OR2T33: variants seen among roughly 807,000 people sequenced by gnomAD.
OR2T33 encodes olfactory receptor family 2 subfamily T member 33.
Under a neutral mutation model 14.0 loss-of-function variants are expected in OR2T33, and 10 were observed. The ratio of observed to expected loss-of-function variants is 0.72; its 90% CI spans 0.44 to 1.22. The LOEUF is 1.22. Among genes scored for constraint, OR2T33 ranks in the 50% most tolerant of loss-of-function variants. The pLI, the probability that OR2T33 is intolerant of heterozygous loss-of-function variation, is 0.00. For synonymous variants in OR2T33, 103 were observed against 159.4 expected (o/e 0.65, Z 2.66); for missense variants, 276 against 405.9 (o/e 0.68, Z 2.75).
At chr1:248,274,883 T>G (rs1659430386) in intron 1 of OR2T33, among the ~76,000 whole-genome samples, 1 of 152,218 alleles carries the variant, frequency 6.6e-6, no homozygotes. Context: ...TTTATTTTCT[T>G]AGGAGACACA....
intron 1 of OR2T33, among the ~76,000 whole-genome samples, chr1:248,274,888 G>T (rs1470485901): frequency 6.6e-6 from 1 of 152,106 alleles, no homozygotes; most frequent in Non-Finnish European, 1.5e-5. Flanking sequence ...TTTCTTAGGA[G>T]ACACAATCAA....
rs1167925182 is a variant in OR2T33 at position 248,273,641 on chromosome 1, G to A, written c.174C>T (p.Tyr58=). 11 of 1,613,752 alleles carry A rather than the reference G, an allele frequency of 6.8e-6. No homozygotes were observed. Among genetic ancestry groups the A allele is most frequent in the African/African-American group, 1.3e-5 (1 of 74,876 alleles). ...HWDHRLHTPM[Y]FLLSQLSLMD... ...TGAGGGAAAGTTGGCTCAGGAGGAAGTACATGGGCGTGTGGAGCCGGTGGT... is the reference window on the plus strand; with the variant it reads ...TGAGGGAAAGTTGGCTCAGGAGGAAATACATGGGCGTGTGGAGCCGGTGGT... The change falls in exon 2 of 2, where the codon TAC becomes TAT. Residue 58 remains tyrosine (Y), a synonymous_variant. Transcript: ENST00000641220.
Position 248,272,859 on chromosome 1 carries a change from G to C in OR2T33, c.956C>G (p.Ser319Ter). 6.2e-7 allele frequency: 1 copy of C among 1,611,406 alleles called. No individual in the cohort carries two copies. Among genetic ancestry groups the C allele is most frequent in the Non-Finnish European group, 8.5e-7 (1 of 1,178,752 alleles). ...IKHQQNEAHRSR is the reference protein window; with the variant it reads ...IKHQQNEAHR The stretch of plus-strand genomic sequence containing the variant: ...GACTCATTTGACATTAGATCATCTT[G>C]ACCTGTGGGCCTCATTTTGCTGGTG... Residue 319 changes from serine to a stop codon, truncating the protein, a stop_gained, in exon 2 of 2, where the codon TCA becomes TGA. Transcript: ENST00000641220. LOFTEE classifies it high-confidence loss of function.
In OR2T33 at chr1:248,272,910, C is replaced by A. The variant is rs1178534234; in HGVS notation, c.905G>T (p.Trp302Leu). Residue 302 changes from tryptophan to leucine, a missense_variant, in exon 2 of 2, where the codon TGG becomes TTG. Transcript: ENST00000641220. ...NSEVKGALKR[W>L]LGTCVNIKHQ... Reference sequence around the variant, plus strand: ...TTTTATGTTTACACACGTCCCCAGCCACCGTTTCAGGGCTCCCTTCACCTC... The same window carrying A: ...TTTTATGTTTACACACGTCCCCAGCAACCGTTTCAGGGCTCCCTTCACCTC... 1.2e-6 allele frequency: 2 copies of A among 1,614,118 alleles called. No individual in the cohort carries two copies. The highest frequency in any genetic ancestry group is 1.7e-6 in the Non-Finnish European group (2 of 1,180,028).
chr1:248,272,009 A>G lies in OR2T33; in HGVS notation c.*843T>C, dbSNP rs1045398765. On this transcript the variant is annotated 3_prime_UTR_variant, in exon 2 of 2. Coordinates refer to ENST00000641220, the MANE Select transcript of OR2T33 (RefSeq NM_001004695.2). ...GTCTTGGCAGAAGTAAGGTGGTGAC[A>G]CAATAATGTATAAGGTTGTTGAGTG... 4 of 152,218 alleles carry G rather than the reference A, an allele frequency of 2.6e-5. No individual in the cohort carries two copies. Among genetic ancestry groups the G allele is most frequent in the African/African-American group, 9.6e-5 (4 of 41,460 alleles). 9.4% of individuals were successfully genotyped at this position (152,218 alleles called of 1,614,324 possible).
chr1:248,273,648 G>T lies in OR2T33; in HGVS notation c.167C>A (p.Pro56His), dbSNP rs1180705207. The change falls in exon 2 of 2, where the codon CCC (proline) becomes CAC (histidine). Residue 56 changes from proline to histidine, a missense_variant. Physicochemically the swap from Pro to His is moderately conservative, Grantham distance 77. Coordinates refer to ENST00000641220, the MANE Select transcript of OR2T33 (RefSeq NM_001004695.2). ...AAGTTGGCTCAGGAGGAAGTACATG[G>T]GCGTGTGGAGCCGGTGGTCCCAGTG... The part of the protein sequence containing the change: ...LIHWDHRLHT[P>H]MYFLLSQLSL... 2.5e-6 allele frequency: 4 copies of T among 1,613,860 alleles called. No homozygotes were observed. The highest frequency in any genetic ancestry group is 2.2e-5 in the South Asian group (2 of 91,062).
rs1161757454 is a variant in OR2T33 at position 248,271,770 on chromosome 1, A to G, written c.*1082T>C. On this transcript the variant is annotated 3_prime_UTR_variant, in exon 2 of 2. Coordinates refer to ENST00000641220, the MANE Select transcript of OR2T33 (RefSeq NM_001004695.2). ...ATATTATTTCTTAAGTGTGTTTTACATACAGGAAATATAGCCTTTATCATA... is the reference window on the plus strand; with the variant it reads ...ATATTATTTCTTAAGTGTGTTTTACGTACAGGAAATATAGCCTTTATCATA... 6.6e-6 allele frequency: 1 copy of G among 152,228 alleles called. No homozygotes were observed. Among genetic ancestry groups the G allele is most frequent in the Non-Finnish European group, 1.5e-5 (1 of 68,032 alleles). 9.4% of individuals were successfully genotyped at this position (152,228 alleles called of 1,614,324 possible). A position where few individuals can be genotyped will look rare whatever the true frequency, so the allele number is the denominator to read the frequency against.
intron 1 of OR2T33, among the ~76,000 whole-genome samples, chr1:248,274,130 GTATTAA>G (rs1659422973): frequency 6.6e-6 from 1 of 152,114 alleles, no homozygotes; most frequent in African/African-American, 2.4e-5. Flanking sequence ...TATATTACTC[GTATTAA>G]TATTATTGTG....
rs761881097 is a variant in OR2T33 at position 248,273,043 on chromosome 1, T to C, written c.772A>G (p.Met258Val). The C allele has an allele frequency of 6.2e-7, 1 of 1,613,606 alleles. No homozygotes were observed. The highest frequency in any genetic ancestry group is 8.5e-7 in the Non-Finnish European group (1 of 1,179,920). ...LFYGAAIFTY[M>V]RPKSHRSTNH... ...GTGGACCTATGGGATTTGGGTCTCA[T>C]ATAGGTAAAAATGGCAGCTCCATAA... is the stretch of plus-strand genomic sequence containing the variant. The change falls in exon 2 of 2, where the codon ATG (methionine) becomes GTG (valine). Residue 258 changes from methionine to valine, a missense_variant. Met to Val is a conservative substitution (Grantham distance 21, BLOSUM62 1). Transcript: ENST00000641220.
In OR2T33 at chr1:248,277,854, T is replaced by A. The variant is rs554708675; in HGVS notation, c.-98A>T. Reference sequence around the variant, plus strand: ...AGTACAAATGTTTGCTTAATCTTAGTGTTGTGGATACTGCTTTGTGCCTCT... The same window carrying A: ...AGTACAAATGTTTGCTTAATCTTAGAGTTGTGGATACTGCTTTGTGCCTCT... On this transcript the variant is annotated 5_prime_UTR_variant, in exon 1 of 2. Coordinates refer to ENST00000641220, the MANE Select transcript of OR2T33 (RefSeq NM_001004695.2). The A allele has an allele frequency of 1.3e-5, 2 of 152,262 alleles. No homozygotes were observed. Among genetic ancestry groups the A allele is most frequent in the African/African-American group, 4.8e-5 (2 of 41,558 alleles). The allele number at this position is 152,262 out of a possible 1,614,324, so 9.4% of individuals were successfully genotyped here. A position where few individuals can be genotyped will look rare whatever the true frequency, so the allele number is the denominator to read the frequency against.
chr1:248,277,705 G>A (rs1428653674), intron 1 of OR2T33, 60 bp downstream of exon 1: 2 of 152,028 alleles, frequency 1.3e-5, no homozygotes, highest in African/African-American at 4.8e-5. Flanking sequence ...ATAAATATGA[G>A]TAATTTGAAA....
At position 248,271,495 on chromosome 1, in the gene OR2T33, AC is replaced by A. The variant is rs1659372036; in HGVS notation, c.*1356del. 6.6e-6 allele frequency: 1 copy of A among 152,220 alleles called. No homozygotes were observed. The highest frequency in any genetic ancestry group is 1.5e-5 in the Non-Finnish European group (1 of 68,030). The allele number at this position is 152,220 out of a possible 1,614,324, so 9.4% of individuals were successfully genotyped here. ...CAAGTCTTCCAAGGAGAAAAGAGTTACTGAATAACCTTCTCTTGAGACATAG... is the reference window on the plus strand; with the variant it reads ...CAAGTCTTCCAAGGAGAAAAGAGTTATGAATAACCTTCTCTTGAGACATAG... On this transcript the variant is annotated 3_prime_UTR_variant, in exon 2 of 2. Transcript: ENST00000641220.
Position 248,273,117 on chromosome 1 carries a change from T to A in OR2T33, c.698A>T (p.Lys233Met), listed in dbSNP as rs374444432. The stretch of plus-strand genomic sequence containing the variant: ...TGAAGAGCAGGTGGCAAAGGCCTTC[T>A]TGCGGGCTTCTGTAGAGCGCATGTG... ...VLHMRSTEAR[K>M]KAFATCSSHV... The change falls in exon 2 of 2, where the codon AAG (lysine) becomes ATG (methionine). Residue 233 changes from lysine (K) to methionine (M), a missense_variant. Lys to Met is a moderately conservative substitution (Grantham distance 95). Coordinates refer to ENST00000641220, the MANE Select transcript of OR2T33 (RefSeq NM_001004695.2). 6 of 1,611,854 alleles carry A rather than the reference T, an allele frequency of 3.7e-6. No homozygotes were observed. The highest frequency in any genetic ancestry group is 5.1e-6 in the Non-Finnish European group (6 of 1,179,804).
At chr1:248,275,323 A>T (rs914637007) in intron 1 of OR2T33, among the ~76,000 whole-genome samples, 1 of 152,258 alleles carries the variant, frequency 6.6e-6, no homozygotes, top group African/African-American at 2.4e-5. Context: ...CAAAGATTAT[A>T]GGACAATAAA....
Position 248,271,751 on chromosome 1 carries a change from TTTC to T in OR2T33, c.*1098_*1100del, listed in dbSNP as rs1659375573. The T allele has an allele frequency of 6.6e-6, 1 of 152,220 alleles. No homozygotes were observed. The highest frequency in any genetic ancestry group is 2.4e-5 in the African/African-American group (1 of 41,456). 9.4% of individuals were successfully genotyped at this position (152,220 alleles called of 1,614,324 possible). A position where few individuals can be genotyped will look rare whatever the true frequency, so the allele number is the denominator to read the frequency against. The stretch of plus-strand genomic sequence containing the variant: ...CACTGTGTGTTTAAAACTTATATTA[TTTC>T]TTAAGTGTGTTTTACATACAGGAAA... On this transcript the variant is annotated 3_prime_UTR_variant, in exon 2 of 2. Coordinates refer to ENST00000641220, the MANE Select transcript of OR2T33 (RefSeq NM_001004695.2).
At chr1:248,277,300 C>T (rs1276795424) in intron 1 of OR2T33, among the ~76,000 whole-genome samples, 1 of 152,038 alleles carries the variant, frequency 6.6e-6, no homozygotes, top group Non-Finnish European at 1.5e-5. Context: ...CCCTTCCCCA[C>T]ATTCATACTT....
chr1:248,274,922 G>T (rs1313887139), intron 1 of OR2T33, among the ~76,000 whole-genome samples: 2 of 152,120 alleles, frequency 1.3e-5, no homozygotes, highest in Admixed American at 6.6e-5. Flanking sequence ...ACAAAAATGT[G>T]TACAACTTCA....
chr1:248,273,173 G>C lies in OR2T33; in HGVS notation c.642C>G (p.Ser214=). The change falls in exon 2 of 2, where the codon TCC becomes TCG. Residue 214 remains serine (S), a synonymous_variant. Coordinates refer to ENST00000641220, the MANE Select transcript of OR2T33 (RefSeq NM_001004695.2). Reference sequence around the variant, plus strand: ...CAGCAGCGAGGATGAGACCATAGGAGGACAGGATGAGGGAAAAGGGGACCA... The same window carrying C: ...CAGCAGCGAGGATGAGACCATAGGACGACAGGATGAGGGAAAAGGGGACCA... ...MLLVPFSLIL[S]SYGLILAAVL... The C allele has an allele frequency of 6.2e-7, 1 of 1,609,326 alleles. No homozygotes were observed. The highest frequency in any genetic ancestry group is 8.5e-7 in the Non-Finnish European group (1 of 1,178,360).
intron 1 of OR2T33, among the ~76,000 whole-genome samples, chr1:248,275,335 C>T (rs946040158): frequency 6.6e-6 from 1 of 152,200 alleles, no homozygotes; most frequent in Non-Finnish European, 1.5e-5. Context: ...GACAATAAAA[C>T]AGGCAAAATA....
Sources: allele counts gnomAD v4.1 joint callset (sites outside exome capture counted in the v4.1 genomes callset), GRCh38; gene constraint gnomAD v4.1.1; transcripts MANE v1.5; gene names NCBI Gene and HGNC (gene_info 2026-07-23, HGNC 2026-07-21).